Variants in ADAMTSL1 observed in about 807,000 individuals in gnomAD.
ADAMTSL1 encodes the protein ADAMTS like 1, also known as ADAMTS-like protein 1.
A neutral mutation model predicts 201.8 loss-of-function variants in ADAMTSL1; 126 were observed. The observed-to-expected ratio is 0.62, with a 90% CI of 0.54 to 0.72. The LOEUF (loss-of-function observed/expected upper bound fraction) is 0.72, where lower values mean the gene tolerates loss of function less well. Ranked by LOEUF, ADAMTSL1 falls within the 30% of genes least tolerant of loss-of-function variation. ADAMTSL1 has a pLI of 0.00. For missense variants in ADAMTSL1, 2,679 were observed against 2,277.8 expected, an observed-to-expected ratio of 1.18 and a Z score of -3.59; for synonymous variants, 1,121 against 903.4, an observed-to-expected ratio of 1.24 and a Z score of -4.32.
intron 2 of ADAMTSL1, among the ~76,000 whole-genome samples, chr9:18,391,980 A>C (rs1042796637): frequency 4.6e-5 from 7 of 151,792 alleles, no homozygotes; most frequent in Admixed American, 1.3e-4. Context: ...GCCCGCCACC[A>C]TGCCCAGCGA....
intron 13 of ADAMTSL1, among the ~76,000 whole-genome samples, chr9:18,685,143 G>A (rs755525167): frequency 6.6e-6 from 1 of 152,220 alleles, no homozygotes; most frequent in Non-Finnish European, 1.5e-5. Context: ...CAAAGTCTGA[G>A]CTGCTTTTCA....
At chr9:18,193,263 G>T (rs566177731) in intron 2 of ADAMTSL1, among the ~76,000 whole-genome samples, 2 of 152,124 alleles carry the variant, frequency 1.3e-5, no homozygotes, top group East Asian at 3.9e-4. Flanking sequence ...AGATGACCCT[G>T]GGAGTGGTGA....
At chr9:18,412,601 A>G (rs984939848) in intron 2 of ADAMTSL1, among the ~76,000 whole-genome samples, 9 of 152,174 alleles carry the variant, frequency 5.9e-5, no homozygotes, top group African/African-American at 1.9e-4. Context: ...ACCACCAGTG[A>G]TGATCTATGA....
At chr9:18,611,040 C>T (rs1271580468) in intron 4 of ADAMTSL1, among the ~76,000 whole-genome samples, 1 of 152,104 alleles carries the variant, frequency 6.6e-6, no homozygotes, top group Non-Finnish European at 1.5e-5. Flanking sequence ...CCAGTAAGAT[C>T]CACATTTGTA....
At chr9:18,435,544 G>A (rs1819691108) in intron 2 of ADAMTSL1, among the ~76,000 whole-genome samples, 1 of 152,214 alleles carries the variant, frequency 6.6e-6, no homozygotes, top group South Asian at 2.1e-4. Context: ...GATTTGGTTA[G>A]CTAGGAGACT....
At chr9:18,868,350 C>G (rs1200278796) in intron 23 of ADAMTSL1, among the ~76,000 whole-genome samples, 3 of 152,054 alleles carry the variant, frequency 2.0e-5, no homozygotes, top group African/African-American at 7.3e-5. Flanking sequence ...TCCTCCTTGA[C>G]TTGTCGAGTA....
chr9:18,463,490 A>G (rs964222628), intron 2 of ADAMTSL1, among the ~76,000 whole-genome samples: 1 of 152,098 alleles, frequency 6.6e-6, no homozygotes, highest in Non-Finnish European at 1.5e-5. Context: ...TATCTTCAGG[A>G]CTTTTAAAAT....
intron 16 of ADAMTSL1, among the ~76,000 whole-genome samples, chr9:18,755,340 C>G (rs1819692824): frequency 6.6e-6 from 1 of 152,106 alleles, no homozygotes; most frequent in Non-Finnish European, 1.5e-5. Context: ...ATTGTTAAGT[C>G]CCCATATTAT....
chr9:18,757,399 T>C (rs957629754), intron 16 of ADAMTSL1, among the ~76,000 whole-genome samples: 1 of 152,170 alleles, frequency 6.6e-6, no homozygotes, highest in Non-Finnish European at 1.5e-5. Flanking sequence ...TACAACACTG[T>C]GATTGAGAAT....
intron 2 of ADAMTSL1, among the ~76,000 whole-genome samples, chr9:18,188,278 C>T (rs1208674658): frequency 1.3e-5 from 2 of 152,218 alleles, no homozygotes; most frequent in South Asian, 4.2e-4. Flanking sequence ...CCCACTCAAC[C>T]CTACACACCG....
At chr9:18,550,443 C>G (rs572368480) in intron 3 of ADAMTSL1, among the ~76,000 whole-genome samples, 36 of 151,928 alleles carry the variant, frequency 2.4e-4, no homozygotes, top group Non-Finnish European at 1.5e-4. Flanking sequence ...GTTATTGGCT[C>G]TGAGATGGAG....
intron 2 of ADAMTSL1, among the ~76,000 whole-genome samples, chr9:18,194,778 T>A (rs1354256318): frequency 6.6e-6 from 1 of 151,994 alleles, no homozygotes; most frequent in Non-Finnish European, 1.5e-5. Context: ...TTTTTCCTCC[T>A]CCTTCCCTCA....
intron 2 of ADAMTSL1, among the ~76,000 whole-genome samples, chr9:18,254,058 A>C (rs1831573517): frequency 6.6e-6 from 1 of 152,168 alleles, no homozygotes; most frequent in East Asian, 1.9e-4. Flanking sequence ...TCCTCGAGTG[A>C]TTAAGAGCCT....
At chr9:18,308,520 C>T (rs143451474) in intron 2 of ADAMTSL1, among the ~76,000 whole-genome samples, 3,045 of 152,210 alleles carry the variant, frequency 0.02, 57 homozygotes, top group African/African-American at 0.055. Context: ...CCACCGATCA[C>T]ACAGAAATAC....
intron 7 of ADAMTSL1, among the ~76,000 whole-genome samples, chr9:18,656,154 C>G (rs757044485): frequency 6.6e-6 from 1 of 152,036 alleles, no homozygotes; most frequent in Non-Finnish European, 1.5e-5. Context: ...ACTCCAAAAA[C>G]TGATGTAGAG....
At chr9:17,984,146 G>A (rs1255934392) in intron 1 of ADAMTSL1, among the ~76,000 whole-genome samples, 1 of 152,048 alleles carries the variant, frequency 6.6e-6, no homozygotes, top group Non-Finnish European at 1.5e-5. Context: ...ACTTACTTTA[G>A]CAATTAGCAG....
At chr9:17,952,717 G>C (rs902357308) in intron 1 of ADAMTSL1, among the ~76,000 whole-genome samples, 2 of 152,066 alleles carry the variant, frequency 1.3e-5, no homozygotes, top group African/African-American at 4.8e-5. Context: ...AATAGAGGCG[G>C]GGTTTCACCA....
intron 1 of ADAMTSL1, among the ~76,000 whole-genome samples, chr9:17,908,772 T>C (rs7849301): frequency 0.032 from 4,838 of 152,320 alleles, 142 homozygotes; most frequent in African/African-American, 0.08. Flanking sequence ...TGACTTGTTT[T>C]ATAGAATCAT....
intron 13 of ADAMTSL1, among the ~76,000 whole-genome samples, chr9:18,693,105 T>G (rs1376302488): frequency 6.6e-6 from 1 of 152,240 alleles, no homozygotes; most frequent in Non-Finnish European, 1.5e-5. Context: ...AGCTCTCCTT[T>G]GGGTTTCTCT....
Sources: allele counts gnomAD v4.1 joint callset (sites outside exome capture counted in the v4.1 genomes callset), GRCh38; gene constraint gnomAD v4.1.1; transcripts MANE v1.5; gene names NCBI Gene and HGNC (gene_info 2026-07-23, HGNC 2026-07-21).